Variants in MIA2 observed in about 807,000 individuals in gnomAD.
MIA2 encodes the protein melanoma inhibitory activity protein 2.
Under a neutral mutation model 167.8 loss-of-function variants are expected in MIA2, and 127 were observed. The observed-to-expected ratio is 0.76, with a 90% confidence interval of 0.66 to 0.88. MIA2 has a LOEUF of 0.88. Ranked by LOEUF, MIA2 falls within the 40% of genes least tolerant of loss-of-function variation. The pLI is 0.00. For synonymous variants in MIA2, 552 were observed against 541.9 expected (o/e 1.02, Z -0.26); for missense variants, 1,690 against 1,624.7 (o/e 1.04, Z -0.69).
At chr14:39,315,390 C>T (rs1181451845) in intron 20 of MIA2, 3 of 257,796 alleles carry the variant, frequency 1.2e-5, no homozygotes, top group African/African-American at 6.7e-5. Context: ...TGTGTATCAA[C>T]AGTGGGGTCT....
intron 6 of MIA2, chr14:39,267,368 G>C (rs897947501): frequency 5.0e-6 from 8 of 1,593,000 alleles, no homozygotes; most frequent in Non-Finnish European, 6.8e-6. Flanking sequence ...GCGGATTCGG[G>C]TTCCGGACCG....
In MIA2 at chr14:39,307,652, G is replaced by A. The variant is rs777011380; in HGVS notation, c.2879-797G>A. ...TGGCCTCAAGTGATCCACCCCCTTC[G>A]GCCTTCCAAAGTGCTGAGATGTACA... On this transcript the variant is annotated intron_variant, in intron 17 of 28. Coordinates refer to ENST00000640607, the MANE Select transcript of MIA2 (RefSeq NM_001329214.4). Among the ~76,000 whole-genome samples the A allele has an allele frequency of 3.3e-5, 5 of 151,842 alleles. No homozygotes were observed. In the East Asian group the frequency reaches 5.8e-4, roughly 18 times the overall value.
intron 23 of MIA2, chr14:39,385,750 A>G: frequency 2.3e-6 from 2 of 882,024 alleles, no homozygotes; most frequent in Admixed American, 1.7e-5. Flanking sequence ...ATTCTGGATA[A>G]TAGTAGATGA....
Position 39,343,381 on chromosome 14 carries a change from A to G in MIA2, c.3656-2523A>G, listed in dbSNP as rs558647012. On this transcript the variant is annotated intron_variant, in intron 25 of 28. Coordinates refer to ENST00000640607, the MANE Select transcript of MIA2 (RefSeq NM_001329214.4). ...AGGCCGATCTTGAACTCTTGGCCTC[A>G]AGCAGTCCACCTGCCTTGGCCTCTC... 7.2e-5 allele frequency among the ~76,000 whole-genome samples: 11 copies of G among 152,274 alleles called. No homozygotes were observed. The South Asian group carries it at 2.3e-3, about 32-fold the overall frequency.
At chr14:39,287,530 AT>A (rs987339476) in intron 9 of MIA2, among the ~76,000 whole-genome samples, 17 of 149,774 alleles carry the variant, frequency 1.1e-4, no homozygotes, top group African/African-American at 3.2e-4. Flanking sequence ...CTTTCTTTTT[AT>A]TTTTTTTCAT....
intron 6 of MIA2, among the ~76,000 whole-genome samples, chr14:39,272,111 T>A (rs1173542138): frequency 6.6e-6 from 1 of 152,086 alleles, no homozygotes; most frequent in Non-Finnish European, 1.5e-5. Context: ...CCCAGCACTT[T>A]GGGAGGCTGA....
rs764135087 is a variant in MIA2, at chr14:39,279,426, T to G, written c.2042-23T>G. Reference sequence around the variant, plus strand: ...AAAACTTATAATAATTTACTCATGGTAATATTGACTTGACTTTTTTAGGAC... The same window carrying G: ...AAAACTTATAATAATTTACTCATGGGAATATTGACTTGACTTTTTTAGGAC... On this transcript the variant is annotated intron_variant, in intron 8 of 28. Transcript: ENST00000640607. The G allele has an allele frequency of 1.9e-6, 3 of 1,602,396 alleles. No homozygotes were observed. In the Admixed American group the frequency reaches 5.2e-5, roughly 28 times the overall value.
intron 13 of MIA2, among the ~76,000 whole-genome samples, chr14:39,296,137 T>C (rs1463889943): frequency 6.6e-6 from 1 of 152,172 alleles, no homozygotes; most frequent in Non-Finnish European, 1.5e-5. Flanking sequence ...ATCCTAAAGG[T>C]TCCTCTTGTC....
At chr14:39,359,428 C>T (rs945105317) in intron 23 of MIA2, among the ~76,000 whole-genome samples, 5 of 152,124 alleles carry the variant, frequency 3.3e-5, no homozygotes, top group Admixed American at 1.3e-4. Flanking sequence ...GGGAGTGACC[C>T]GATTTTCCAG....
At chr14:39,257,101 G>A (rs542062906) in intron 6 of MIA2, among the ~76,000 whole-genome samples, 13 of 152,086 alleles carry the variant, frequency 8.5e-5, no homozygotes, top group Admixed American at 3.3e-4. Flanking sequence ...CTATTAGGTC[G>A]GCTTGGTCCA....
chr14:39,250,292 G>C (rs1054242961), intron 4 of MIA2, among the ~76,000 whole-genome samples: 2 of 152,182 alleles, frequency 1.3e-5, no homozygotes, highest in Admixed American at 1.3e-4. Context: ...ATTTAGCTGG[G>C]AGTGTTGGTG....
At chr14:39,288,348 A>T (rs1285662532) in intron 9 of MIA2, among the ~76,000 whole-genome samples, 1 of 147,886 alleles carries the variant, frequency 6.8e-6, no homozygotes, top group Non-Finnish European at 1.5e-5. Flanking sequence ...TTTCTGTGTC[A>T]ATTGGTATGA....
rs2054363498 is a variant in MIA2, at chr14:39,247,488, A to G, written c.914A>G (p.Gln305Arg). ...GAGTCAGAGCACATTCCCAAACCTCAATCCACTGGTTGGTTTGGTGGAGGA... is the reference window on the plus strand; with the variant it reads ...GAGTCAGAGCACATTCCCAAACCTCGATCCACTGGTTGGTTTGGTGGAGGA... ...ASESEHIPKP[Q>R]STGWFGGGFT... Residue 305 changes from glutamine to arginine, a missense_variant, in exon 4 of 29, where the codon CAA (glutamine) becomes CGA (arginine). Coordinates refer to ENST00000640607, the MANE Select transcript of MIA2 (RefSeq NM_001329214.4). The G allele has an allele frequency of 6.2e-7, 1 of 1,613,484 alleles. No homozygotes were observed. The highest frequency in any genetic ancestry group is 1.7e-5 in the Admixed American group (1 of 59,942).
chr14:39,248,414 T>C (rs2054404652), intron 4 of MIA2, among the ~76,000 whole-genome samples: 1 of 151,840 alleles, frequency 6.6e-6, no homozygotes, highest in South Asian at 2.1e-4. Context: ...TGTATGTAAA[T>C]AGTTTAAAAT....
chr14:39,269,066 C>G (rs1241221228), intron 6 of MIA2: 20 of 502,110 alleles, frequency 4.0e-5, no homozygotes, highest in Non-Finnish European at 4.7e-5. Flanking sequence ...TGTATCTTCA[C>G]CTGCACAGTT....
chr14:39,303,081 T>C (rs1429881014), intron 15 of MIA2, among the ~76,000 whole-genome samples: 1 of 152,208 alleles, frequency 6.6e-6, no homozygotes, highest in Non-Finnish European at 1.5e-5. Flanking sequence ...CTTTATTATA[T>C]ATAAAATAAT....
chr14:39,297,467 A>G (rs2061583735), intron 13 of MIA2, among the ~76,000 whole-genome samples: 1 of 152,306 alleles, frequency 6.6e-6, no homozygotes, highest in East Asian at 1.9e-4. Context: ...TGAGTCCTCC[A>G]CATTTCCCAT....
At chr14:39,349,645 T>A (rs183122113) in intron 28 of MIA2, among the ~76,000 whole-genome samples, 1 of 152,222 alleles carries the variant, frequency 6.6e-6, no homozygotes, top group Non-Finnish European at 1.5e-5. Context: ...TGAATTAAAA[T>A]GAATTTTGTT....
At chr14:39,295,114 A>T in intron 13 of MIA2, 85 bp downstream of exon 13, 1 of 906,374 alleles carries the variant, frequency 1.1e-6, no homozygotes, top group Non-Finnish European at 1.8e-6. Context: ...CATGCTAGGG[A>T]CAAGTATAGG....
Sources: allele counts gnomAD v4.1 joint callset (sites outside exome capture counted in the v4.1 genomes callset), GRCh38; gene constraint gnomAD v4.1.1; transcripts MANE v1.5; gene names NCBI Gene and HGNC (gene_info 2026-07-23, HGNC 2026-07-21).